The following FGGY variants were observed in gnomAD, a reference collection of about 807,000 sequenced individuals.
FGGY encodes the protein FGGY carbohydrate kinase domain-containing protein.
FGGY carries 72 observed loss-of-function variants against 71.3 expected under a neutral mutation model. The ratio of observed to expected loss-of-function variants is 1.01; its 90% CI spans 0.84 to 1.23. The LOEUF (loss-of-function observed/expected upper bound fraction) is 1.23. Among genes scored for constraint, FGGY ranks in the 50% most tolerant of loss-of-function variants. The pLI, the probability that FGGY is intolerant of heterozygous loss-of-function variation, is 0.00. For missense variants in FGGY, 668 were observed against 682.3 expected (o/e 0.98, Z 0.23); for synonymous variants, 251 against 250.3 (o/e 1.00, Z -0.02).
chr1:59,514,376 G>A (rs967651763), intron 7 of FGGY, among the ~76,000 whole-genome samples: 2 of 152,124 alleles, frequency 1.3e-5, no homozygotes, highest in Non-Finnish European at 2.9e-5. Flanking sequence ...CCTCAGGGAC[G>A]TGCCAAAACA....
In FGGY at chr1:59,607,864, C is replaced by T. The variant is rs752712363; in HGVS notation, c.965C>T (p.Pro322Leu). Reference protein sequence around the residue: ...VWGPYFSAMVPGFWLNEGGQS... With the variant: ...VWGPYFSAMVLGFWLNEGGQS... ...GGGCCTTATTTCTCAGCCATGGTAC[C>T]TGGGTTCTGGCTGAATGAAGGTGGT... The change falls in exon 9 of 16, where the codon CCT (proline) becomes CTT (leucine). Residue 322 changes from proline to leucine, a missense_variant. Coordinates refer to ENST00000303721, the MANE Select transcript of FGGY (RefSeq NM_018291.5). 2 of 1,614,040 alleles carry T rather than the reference C, an allele frequency of 1.2e-6. No homozygotes were observed. Among genetic ancestry groups the T allele is most frequent in the East Asian group, 4.5e-5 (2 of 44,878 alleles).
intron 14 of FGGY, chr1:59,681,079 TTG>T (rs1409698808): frequency 6.6e-6 from 1 of 152,202 alleles, no homozygotes; most frequent in Non-Finnish European, 1.5e-5. Context: ...TTTGCTCTAC[TTG>T]TTTGCTTTTA....
chr1:59,710,215 A>C (rs544265237), intron 14 of FGGY, among the ~76,000 whole-genome samples: 2 of 152,362 alleles, frequency 1.3e-5, no homozygotes, highest in South Asian at 4.1e-4. Context: ...CTTATTTAAT[A>C]AATGGTGTTG....
intron 5 of FGGY, among the ~76,000 whole-genome samples, chr1:59,434,740 T>C (rs1008427664): frequency 3.3e-5 from 5 of 152,052 alleles, no homozygotes; most frequent in South Asian, 2.1e-4. Flanking sequence ...CTGGGATCCA[T>C]TTTACAAGGG....
intron 3 of FGGY, among the ~76,000 whole-genome samples, chr1:59,342,117 C>T (rs1462163604): frequency 1.3e-5 from 2 of 152,124 alleles, no homozygotes; most frequent in African/African-American, 2.4e-5. Context: ...TACATGTTTA[C>T]TTATTTATTT....
chr1:59,736,266 G>C (rs1410572756), intron 14 of FGGY, among the ~76,000 whole-genome samples: 2 of 152,098 alleles, frequency 1.3e-5, no homozygotes, highest in Non-Finnish European at 2.9e-5. Context: ...TTTATCAGCA[G>C]CGTGAAAATA....
At chr1:59,442,354 G>C (rs189469544) in intron 5 of FGGY, among the ~76,000 whole-genome samples, 1 of 152,264 alleles carries the variant, frequency 6.6e-6, no homozygotes, top group Admixed American at 6.5e-5. Flanking sequence ...GTTTCTGCTG[G>C]TTTCTGCATC....
intron 14 of FGGY, among the ~76,000 whole-genome samples, chr1:59,711,782 C>G (rs2097796039): frequency 6.6e-6 from 1 of 152,108 alleles, no homozygotes; most frequent in South Asian, 2.1e-4. Flanking sequence ...CAGGAAAGAC[C>G]CACCCCCATG....
chr1:59,525,045 T>G (rs1163166213), intron 7 of FGGY, among the ~76,000 whole-genome samples: 1 of 152,212 alleles, frequency 6.6e-6, no homozygotes, highest in East Asian at 1.9e-4. Context: ...TCATGGCATC[T>G]CCAAGCCTCC....
intron 5 of FGGY, among the ~76,000 whole-genome samples, chr1:59,381,871 A>G (rs769996575): frequency 4.6e-5 from 7 of 152,192 alleles, no homozygotes; most frequent in Non-Finnish European, 8.8e-5. Context: ...TACACAATAG[A>G]GACTTGTATA....
intron 5 of FGGY, among the ~76,000 whole-genome samples, chr1:59,380,214 A>G (rs1249068037): frequency 6.6e-6 from 1 of 151,444 alleles, no homozygotes; most frequent in Non-Finnish European, 1.5e-5. Flanking sequence ...ATTTGGGTTG[A>G]TTCCAAGTCT....
At chr1:59,371,089 C>A (rs1345343186) in intron 4 of FGGY, among the ~76,000 whole-genome samples, 1 of 152,016 alleles carries the variant, frequency 6.6e-6, no homozygotes, top group Non-Finnish European at 1.5e-5. Context: ...ACTAAGTGCT[C>A]CAATTAAAAG....
At chr1:59,429,429 G>T (rs2066949114) in intron 5 of FGGY, among the ~76,000 whole-genome samples, 1 of 152,078 alleles carries the variant, frequency 6.6e-6, no homozygotes, top group Non-Finnish European at 1.5e-5. Context: ...CAATTCATTT[G>T]GTGCTATTGC....
intron 2 of FGGY, 133 bp downstream of exon 2, chr1:59,321,883 A>G: frequency 1.3e-6 from 1 of 780,428 alleles, no homozygotes; most frequent in Non-Finnish European, 2.1e-6. Flanking sequence ...CTTGCCCTTC[A>G]GGAGCTCACA....
At chr1:59,614,945 A>T (rs1448694576) in intron 9 of FGGY, among the ~76,000 whole-genome samples, 1 of 152,260 alleles carries the variant, frequency 6.6e-6, no homozygotes, top group Non-Finnish European at 1.5e-5. Flanking sequence ...CTTACAAGGG[A>T]TGTGAATGAC....
intron 8 of FGGY, among the ~76,000 whole-genome samples, chr1:59,563,412 T>G (rs1389635271): frequency 6.6e-6 from 1 of 151,982 alleles, no homozygotes; most frequent in Non-Finnish European, 1.5e-5. Context: ...TAATAGAGAG[T>G]CAAATCATGA....
intron 8 of FGGY, among the ~76,000 whole-genome samples, chr1:59,580,623 C>T (rs967882410): frequency 6.6e-6 from 1 of 152,150 alleles, no homozygotes; most frequent in Non-Finnish European, 1.5e-5. Context: ...TTAGAGATGA[C>T]AAATTCAGCA....
chr1:59,753,513 T>TATATATATATA (rs2098264898), intron 14 of FGGY, among the ~76,000 whole-genome samples: 1 of 118,600 alleles, frequency 8.4e-6, no homozygotes, highest in Non-Finnish European at 1.8e-5. Flanking sequence ...TATATATATA[T>TATATATATATA]GGCATTACAT....
At chr1:59,602,929 G>A (rs369353243) in intron 8 of FGGY, among the ~76,000 whole-genome samples, 1 of 151,932 alleles carries the variant, frequency 6.6e-6, no homozygotes, top group Non-Finnish European at 1.5e-5. Context: ...AGTAGTAGTA[G>A]TAATAGTAAT....
Sources: gnomAD v4.1 joint callset for allele counts (sites outside exome capture counted in the v4.1 genomes callset) on GRCh38, gnomAD v4.1.1 for gene constraint, MANE v1.5 for transcripts, NCBI Gene and HGNC (gene_info 2026-07-23, HGNC 2026-07-21) for gene names.